Variants in PTPRM observed in about 807,000 individuals in gnomAD.
PTPRM encodes the protein receptor-type tyrosine-protein phosphatase mu.
A neutral mutation model predicts 186.7 loss-of-function variants in PTPRM; 47 were observed. That is an observed-to-expected ratio of 0.25 (90% CI 0.20 to 0.32). The LOEUF is 0.32. Among genes scored for constraint, PTPRM ranks in the 10% least tolerant of loss-of-function variants. The pLI is 1.00. For missense variants in PTPRM, 1,494 were observed against 1,865.0 expected, an observed-to-expected ratio of 0.80 and a Z score of 3.66; for synonymous variants, 668 against 674.9, an observed-to-expected ratio of 0.99 and a Z score of 0.16.
intron 11 of PTPRM, among the ~76,000 whole-genome samples, chr18:8,099,820 C>T (rs565885907): frequency 2.6e-5 from 4 of 152,152 alleles, no homozygotes; most frequent in East Asian, 1.9e-4. Flanking sequence ...CACAAGAAGA[C>T]TTGGGTTTGA....
At chr18:8,187,661 A>G (rs1050789508) in intron 14 of PTPRM, among the ~76,000 whole-genome samples, 2 of 152,208 alleles carry the variant, frequency 1.3e-5, no homozygotes, top group African/African-American at 4.8e-5. Flanking sequence ...GAGAGCCTAG[A>G]CTAAGTTGGC....
intron 7 of PTPRM, among the ~76,000 whole-genome samples, chr18:8,038,182 C>A (rs1393853708): frequency 1.3e-5 from 2 of 151,972 alleles, no homozygotes; most frequent in Non-Finnish European, 2.9e-5. Flanking sequence ...TGTGCTCTAA[C>A]CCTGGTATCT....
chr18:7,609,741 T>C (rs1033610810), intron 1 of PTPRM, among the ~76,000 whole-genome samples: 1 of 152,136 alleles, frequency 6.6e-6, no homozygotes, highest in Non-Finnish European at 1.5e-5. Flanking sequence ...CTCTTGAGTG[T>C]CTGATTACTG....
chr18:8,087,180 G>T (rs2090476925), intron 10 of PTPRM, among the ~76,000 whole-genome samples: 1 of 152,034 alleles, frequency 6.6e-6, no homozygotes, highest in African/African-American at 2.4e-5. Flanking sequence ...ATTTAAAGAT[G>T]AAATAAGTGC....
At chr18:8,226,937 G>C (rs1425774104) in intron 14 of PTPRM, among the ~76,000 whole-genome samples, 2 of 152,148 alleles carry the variant, frequency 1.3e-5, no homozygotes, top group African/African-American at 4.8e-5. Context: ...AGGGTGGGTT[G>C]AGTGCTCCTC....
rs142443150 is a variant in PTPRM, at chr18:7,990,138, G to A, written c.1132+34724G>A. On this transcript the variant is annotated intron_variant, in intron 7 of 32. Coordinates refer to ENST00000580170, the MANE Select transcript of PTPRM (RefSeq NM_001105244.2). Reference sequence around the variant, plus strand: ...ATGCTGGTCTTGAACTCCTGGCCTCGTGTGATTCACTGGCCTCAGCCTCCC... The same window carrying A: ...ATGCTGGTCTTGAACTCCTGGCCTCATGTGATTCACTGGCCTCAGCCTCCC... Among the ~76,000 whole-genome samples the A allele has an allele frequency of 3.3e-3, 509 of 152,042 alleles. 4 individuals are homozygous for A. Among genetic ancestry groups the A allele is most frequent in the African/African-American group, 0.012 (485 of 41,472 alleles).
At chr18:8,174,910 C>G (rs994465430) in intron 14 of PTPRM, among the ~76,000 whole-genome samples, 1 of 152,216 alleles carries the variant, frequency 6.6e-6, no homozygotes, top group Non-Finnish European at 1.5e-5. Flanking sequence ...AGTCCCTGTG[C>G]TTTGGAGAAA....
chr18:7,592,096 A>G (rs2037141770), intron 1 of PTPRM, among the ~76,000 whole-genome samples: 2 of 152,222 alleles, frequency 1.3e-5, no homozygotes, highest in South Asian at 4.1e-4. Context: ...ATTGCATTAC[A>G]TATTTTAGCA....
At chr18:8,288,804 A>T (rs1243714402) in intron 19 of PTPRM, among the ~76,000 whole-genome samples, 1 of 152,164 alleles carries the variant, frequency 6.6e-6, no homozygotes. Context: ...AAGAAAGGGG[A>T]CTTTTGAAAT....
intron 23 of PTPRM, among the ~76,000 whole-genome samples, chr18:8,357,163 C>T (rs1453991876): frequency 6.6e-6 from 1 of 152,192 alleles, no homozygotes; most frequent in Admixed American, 6.5e-5. Flanking sequence ...AGAGAGCCCT[C>T]CGCTCCCATG....
chr18:7,852,357 G>A (rs1596382), intron 2 of PTPRM, among the ~76,000 whole-genome samples: 82,059 of 151,778 alleles, frequency 0.54, 22,479 homozygotes, highest in East Asian at 0.73. Context: ...TGGGAGGATC[G>A]CTAGAGGCCA....
chr18:8,244,778 C>T (rs778270776), intron 15 of PTPRM, among the ~76,000 whole-genome samples: 5 of 152,116 alleles, frequency 3.3e-5, no homozygotes, highest in Non-Finnish European at 7.3e-5. Flanking sequence ...AGGTAGAAGG[C>T]ATTATTTTAG....
At chr18:7,981,322 C>T (rs779014436) in intron 7 of PTPRM, among the ~76,000 whole-genome samples, 3 of 152,124 alleles carry the variant, frequency 2.0e-5, no homozygotes, top group Non-Finnish European at 4.4e-5. Context: ...CTTCAGGAAC[C>T]ATATCTGCCT....
At chr18:8,096,240 G>A (rs181338558) in intron 11 of PTPRM, among the ~76,000 whole-genome samples, 6 of 152,310 alleles carry the variant, frequency 3.9e-5, no homozygotes, top group African/African-American at 7.2e-5. Flanking sequence ...GGCTAGGGCC[G>A]GGGAAGACCT....
chr18:8,397,865 CAT>C (rs1436473382), intron 32 of PTPRM, among the ~76,000 whole-genome samples: 6 of 152,176 alleles, frequency 3.9e-5, no homozygotes, highest in Non-Finnish European at 8.8e-5. Context: ...CCTAGAGAAA[CAT>C]AGTGTCCCCT....
At chr18:8,020,951 G>C (rs925580575) in intron 7 of PTPRM, among the ~76,000 whole-genome samples, 1 of 152,162 alleles carries the variant, frequency 6.6e-6, no homozygotes, top group African/African-American at 2.4e-5. Flanking sequence ...CCCAGACACA[G>C]TTCCAGTGGC....
intron 19 of PTPRM, among the ~76,000 whole-genome samples, chr18:8,267,713 A>G (rs1373489861): frequency 6.6e-6 from 1 of 152,192 alleles, no homozygotes; most frequent in Non-Finnish European, 1.5e-5. Flanking sequence ...CTGTTTTGAC[A>G]ACCTGTTTTC....
intron 7 of PTPRM, among the ~76,000 whole-genome samples, chr18:8,063,031 G>C (rs1168111152): frequency 1.3e-5 from 2 of 151,068 alleles, no homozygotes; most frequent in Admixed American, 6.6e-5. Flanking sequence ...TCAAGCCTGG[G>C]CAATGGCGGG....
intron 1 of PTPRM, among the ~76,000 whole-genome samples, chr18:7,601,535 G>A (rs1352312939): frequency 6.6e-6 from 1 of 152,192 alleles, no homozygotes; most frequent in Non-Finnish European, 1.5e-5. Context: ...GCTGTTGCGA[G>A]CCTTGGCTCA....
Sources: allele counts gnomAD v4.1 joint callset (sites outside exome capture counted in the v4.1 genomes callset), GRCh38; gene constraint gnomAD v4.1.1; transcripts MANE v1.5; gene names NCBI Gene and HGNC (gene_info 2026-07-23, HGNC 2026-07-21).